The following HSBP1 variants were observed in gnomAD, a reference collection of about 807,000 sequenced individuals.
HSBP1 encodes the protein heat shock factor binding protein 1, also known as heat shock factor-binding protein 1.
A neutral mutation model predicts 9.6 loss-of-function variants in HSBP1; 5 were observed. That is an observed-to-expected ratio of 0.52 (90% CI 0.27 to 1.09). HSBP1 has a LOEUF of 1.09. HSBP1 is among the 50% of genes least tolerant of loss of function. The probability of loss-of-function intolerance (pLI) is 0.11; values close to 1 mark genes in which losing one functional copy is unlikely to be tolerated. For synonymous variants in HSBP1, 42 were observed against 33.3 expected (o/e 1.26, Z -0.90); for missense variants, 121 against 96.3 (o/e 1.26, Z -1.07).
intron 1 of HSBP1, chr16:83,808,463 C>A: frequency 3.4e-6 from 2 of 583,132 alleles, no homozygotes; most frequent in South Asian, 4.2e-5. Context: ...AACCTAAAGA[C>A]CCTGAGCTTT....
chr16:83,810,240 C>T (rs897592251), intron 3 of HSBP1, among the ~76,000 whole-genome samples: 2 of 151,896 alleles, frequency 1.3e-5, no homozygotes, highest in Admixed American at 1.3e-4. Flanking sequence ...CCCTGGAGTT[C>T]ATTTAAATTT....
At position 83,815,310 on chromosome 16, in the gene HSBP1, G is replaced by C. The variant is rs545079944; in HGVS notation, c.*3892G>C. ...ACAGTATTTTAAAAAAGAAAAAAAG[G>C]CCAGCCTGGGCAATATACTGAGACT... On this transcript the variant is annotated 3_prime_UTR_variant, in exon 4 of 4. Transcript: ENST00000433866. 1 of 152,144 alleles carries C rather than the reference G, an allele frequency of 6.6e-6. No individual in the cohort carries two copies. The highest frequency in any genetic ancestry group is 6.5e-5 in the Admixed American group (1 of 15,270). The allele number at this position is 152,144 out of a possible 1,614,324, so 9.4% of individuals were successfully genotyped here. A position where few individuals can be genotyped will look rare whatever the true frequency, so the allele number is the denominator to read the frequency against.
At chr16:83,809,091 G>T in intron 2 of HSBP1, 1 of 552,028 alleles carries the variant, frequency 1.8e-6, no homozygotes, top group Admixed American at 3.4e-5. Context: ...TGAGGTTTAG[G>T]GGTTCCATCA....
chr16:83,809,603 G>A (rs902520577), intron 3 of HSBP1, among the ~76,000 whole-genome samples, 178 bp downstream of exon 3: 1 of 151,590 alleles, frequency 6.6e-6, no homozygotes, highest in Non-Finnish European at 1.5e-5. Context: ...CCGAGTAGCT[G>A]GGATTACAGG....
intron 2 of HSBP1, 92 bp downstream of exon 2, chr16:83,808,838 C>G (rs1452555964): frequency 1.1e-6 from 1 of 892,842 alleles, no homozygotes; most frequent in Non-Finnish European, 1.8e-6. Flanking sequence ...TTCAGGCTAG[C>G]TTCAGCCATT....
rs1284911680 is a variant in HSBP1 at position 83,819,258 on chromosome 16, T to C, written c.*7840T>C. ...ATCTGGGACGGGGGCTGGAGATTCA[T>C]ATTTTTAATAAATTCCCTCATTTAT... On this transcript the variant is annotated 3_prime_UTR_variant, in exon 4 of 4. Transcript: ENST00000433866. 1.3e-5 allele frequency: 2 copies of C among 152,198 alleles called. No individual in the cohort carries two copies. The highest frequency in any genetic ancestry group is 4.8e-5 in the African/African-American group (2 of 41,456). The allele number at this position is 152,198 out of a possible 1,614,324, so 9.4% of individuals were successfully genotyped here. A position where few individuals can be genotyped will look rare whatever the true frequency, so the allele number is the denominator to read the frequency against.
At chr16:83,808,972 TGTG>T in intron 2 of HSBP1, 1 of 574,910 alleles carries the variant, frequency 1.7e-6, no homozygotes, top group Non-Finnish European at 3.1e-6. Context: ...TAATAGCTGG[TGTG>T]GTGGACCATG....
Position 83,818,037 on chromosome 16 carries a change from G to A in HSBP1, c.*6619G>A, listed in dbSNP as rs1265768009. 6.6e-6 allele frequency: 1 copy of A among 152,200 alleles called. No homozygotes were observed. The highest frequency in any genetic ancestry group is 2.4e-5 in the African/African-American group (1 of 41,458). The allele number at this position is 152,200 out of a possible 1,614,324, so 9.4% of individuals were successfully genotyped here. A position where few individuals can be genotyped will look rare whatever the true frequency, so the allele number is the denominator to read the frequency against. ...CATAATTAAGAATCTTAAAGGGAAAGAATGTTTTGAAAGCCATCTGTCAAA... is the reference window on the plus strand; with the variant it reads ...CATAATTAAGAATCTTAAAGGGAAAAAATGTTTTGAAAGCCATCTGTCAAA... On this transcript the variant is annotated 3_prime_UTR_variant, in exon 4 of 4. Coordinates refer to ENST00000433866, the MANE Select transcript of HSBP1 (RefSeq NM_001537.4).
At chr16:83,810,717 A>G (rs572001596) in intron 3 of HSBP1, among the ~76,000 whole-genome samples, 1 of 151,244 alleles carries the variant, frequency 6.6e-6, no homozygotes, top group African/African-American at 2.4e-5. Context: ...AATCCCAGCT[A>G]CTTGGCAGAC....
chr16:83,810,664 C>T (rs1404607911), intron 3 of HSBP1, among the ~76,000 whole-genome samples: 2 of 151,762 alleles, frequency 1.3e-5, no homozygotes, highest in Non-Finnish European at 2.9e-5. Flanking sequence ...TGGTGAAACC[C>T]TGTCTGTACA....
In HSBP1 at chr16:83,819,653, A is replaced by C. The variant is rs1032569745; in HGVS notation, c.*8235A>C. 6.6e-6 allele frequency: 1 copy of C among 152,258 alleles called. No individual in the cohort carries two copies. The highest frequency in any genetic ancestry group is 1.5e-5 in the Non-Finnish European group (1 of 68,054). The allele number at this position is 152,258 out of a possible 1,614,324, so 9.4% of individuals were successfully genotyped here. ...TCCTGAGTGTTTCGGTTGATTAAAA[A>C]GCTTTTAAAGAGCATAGTAAATATT... On this transcript the variant is annotated 3_prime_UTR_variant, in exon 4 of 4. Transcript: ENST00000433866.
chr16:83,808,798 C>A, intron 2 of HSBP1, 52 bp downstream of exon 2: 2 of 1,370,148 alleles, frequency 1.5e-6, no homozygotes, highest in Non-Finnish European at 1.0e-6. Context: ...AGCCTATTTG[C>A]CGGGCAGTGG....
At position 83,816,627 on chromosome 16, in the gene HSBP1, G is replaced by A. The variant is rs1473060828; in HGVS notation, c.*5209G>A. The A allele has an allele frequency of 3.3e-5, 5 of 152,014 alleles. No individual in the cohort carries two copies. Among genetic ancestry groups the A allele is most frequent in the Non-Finnish European group, 7.4e-5 (5 of 67,994 alleles). The allele number at this position is 152,014 out of a possible 1,614,324, so 9.4% of individuals were successfully genotyped here. A position where few individuals can be genotyped will look rare whatever the true frequency, so the allele number is the denominator to read the frequency against. ...GCCATGTGGTTCTTGTTTTTTTGTT[G>A]TCACAACTCAGGTTGGGGGTGTTAC... is the stretch of plus-strand genomic sequence containing the variant. On this transcript the variant is annotated 3_prime_UTR_variant, in exon 4 of 4. Transcript: ENST00000433866.
Position 83,814,476 on chromosome 16 carries a change from AC to A in HSBP1, c.*3060del, listed in dbSNP as rs1291782938. The A allele has an allele frequency of 6.6e-6, 1 of 152,438 alleles. No homozygotes were observed. Among genetic ancestry groups the A allele is most frequent in the African/African-American group, 2.4e-5 (1 of 41,374 alleles). 9.4% of individuals were successfully genotyped at this position (152,438 alleles called of 1,614,324 possible). On this transcript the variant is annotated 3_prime_UTR_variant, in exon 4 of 4. Coordinates refer to ENST00000433866, the MANE Select transcript of HSBP1 (RefSeq NM_001537.4). The stretch of plus-strand genomic sequence containing the variant: ...ACAGCTGACCGTCTCACAGCTGCAC[AC>A]CTGCACCGCTCACGAGCACAGCTGA...
intron 1 of HSBP1, chr16:83,808,382 C>G (rs1462704705): frequency 7.2e-6 from 4 of 554,396 alleles, no homozygotes; most frequent in Middle Eastern, 4.7e-4. Flanking sequence ...GGGTCCCTCC[C>G]GCCTACCTCT....
rs1904658971 is a variant in HSBP1 at position 83,813,847 on chromosome 16, T to C, written c.*2429T>C. 6.6e-6 allele frequency: 1 copy of C among 152,116 alleles called. No individual in the cohort carries two copies. The highest frequency in any genetic ancestry group is 6.6e-5 in the Admixed American group (1 of 15,260). 9.4% of individuals were successfully genotyped at this position (152,116 alleles called of 1,614,324 possible). A position where few individuals can be genotyped will look rare whatever the true frequency, so the allele number is the denominator to read the frequency against. ...CTGCTTTCCTTTGAGCCACAGGATTTTAAAATATTTCAATCTTATTTTCAT... is the reference window on the plus strand; with the variant it reads ...CTGCTTTCCTTTGAGCCACAGGATTCTAAAATATTTCAATCTTATTTTCAT... On this transcript the variant is annotated 3_prime_UTR_variant, in exon 4 of 4. Coordinates refer to ENST00000433866, the MANE Select transcript of HSBP1 (RefSeq NM_001537.4).
rs1016240623 is a variant in HSBP1, at chr16:83,808,031, G to T, written c.-46G>T. 6.7e-7 allele frequency: 1 copy of T among 1,488,706 alleles called. No homozygotes were observed. 92.2% of individuals were successfully genotyped at this position (1,488,706 alleles called of 1,614,324 possible). On this transcript the variant is annotated 5_prime_UTR_variant, in exon 1 of 4. Transcript: ENST00000433866. ...GGCGACTGAGCGGACAAACGGAAGTGTAGGTTACGGTCTGAGACATCACCG... is the reference window on the plus strand; with the variant it reads ...GGCGACTGAGCGGACAAACGGAAGTTTAGGTTACGGTCTGAGACATCACCG...
At position 83,813,699 on chromosome 16, in the gene HSBP1, G is replaced by C. The variant is rs913067289; in HGVS notation, c.*2281G>C. The C allele has an allele frequency of 1.3e-5, 2 of 152,200 alleles. No individual in the cohort carries two copies. Among genetic ancestry groups the C allele is most frequent in the African/African-American group, 4.8e-5 (2 of 41,432 alleles). 9.4% of individuals were successfully genotyped at this position (152,200 alleles called of 1,614,324 possible). A position where few individuals can be genotyped will look rare whatever the true frequency, so the allele number is the denominator to read the frequency against. ...TACCAGCCAGTGAAGATTCTCTTGA[G>C]GGCTGAACAATACAGATGAGTATGG... On this transcript the variant is annotated 3_prime_UTR_variant, in exon 4 of 4. Transcript: ENST00000433866.
At position 83,814,219 on chromosome 16, in the gene HSBP1, A is replaced by G. The variant is rs571931360; in HGVS notation, c.*2801A>G. On this transcript the variant is annotated 3_prime_UTR_variant, in exon 4 of 4. Transcript: ENST00000433866. ...GAAAGTTAACTGGTTACAGTTACCAAATGTTCACAGCTAGCGCCATTGAAA... is the reference window on the plus strand; with the variant it reads ...GAAAGTTAACTGGTTACAGTTACCAGATGTTCACAGCTAGCGCCATTGAAA... 6.6e-6 allele frequency: 1 copy of G among 152,260 alleles called. No individual in the cohort carries two copies. The highest frequency in any genetic ancestry group is 1.9e-4 in the East Asian group (1 of 5,204). The allele number at this position is 152,260 out of a possible 1,614,324, so 9.4% of individuals were successfully genotyped here. A position where few individuals can be genotyped will look rare whatever the true frequency, so the allele number is the denominator to read the frequency against.
Sources: allele counts gnomAD v4.1 joint callset (sites outside exome capture counted in the v4.1 genomes callset), GRCh38; gene constraint gnomAD v4.1.1; transcripts MANE v1.5; gene names NCBI Gene and HGNC (gene_info 2026-07-23, HGNC 2026-07-21).